ADAM12: variants seen among roughly 807,000 people sequenced by gnomAD.
ADAM12 encodes disintegrin and metalloproteinase domain-containing protein 12.
A neutral mutation model predicts 106.4 loss-of-function variants in ADAM12; 70 were observed. The observed-to-expected ratio is 0.66, with a 90% CI of 0.54 to 0.80. The LOEUF (loss-of-function observed/expected upper bound fraction) is 0.80, where lower values mean the gene tolerates loss of function less well. Among genes scored for constraint, ADAM12 ranks in the 30% least tolerant of loss-of-function variants. The probability of loss-of-function intolerance (pLI) is 0.00; values close to 1 mark genes in which losing one functional copy is unlikely to be tolerated. For missense variants in ADAM12, 1,010 were observed against 1,171.9 expected (o/e 0.86, Z 2.02); for synonymous variants, 420 against 433.5 (o/e 0.97, Z 0.39).
chr10:126,019,410 C>A (rs1479160365), intron 22 of ADAM12, among the ~76,000 whole-genome samples: 1 of 152,194 alleles, frequency 6.6e-6, no homozygotes, highest in South Asian at 2.1e-4. Context: ...TTGTGTCTTA[C>A]AGGCCTGGCT....
chr10:126,388,341 C>CGTGTGTGT lies in ADAM12; in HGVS notation c.-204_-197dup. Reference sequence around the variant, plus strand: ...TTTCATTTTTAAAAAAGTTTCCCCCCGTGTGTGTGCGTGCGTGCGCGCGCG... The same window carrying CGTGTGTGT: ...TTTCATTTTTAAAAAAGTTTCCCCCCGTGTGTGTGTGTGTGTGCGTGCGTGCGCGCGCG... On this transcript the variant is annotated 5_prime_UTR_variant, in exon 1 of 23. Coordinates refer to ENST00000448723, the MANE Select transcript of ADAM12 (RefSeq NM_001288973.2). This position sits in a 1 kb window ranked among gnomAD's most constrained non-coding sequence, Gnocchi z 4.4. 1 of 811,892 alleles carries CGTGTGTGT rather than the reference C, an allele frequency of 1.2e-6. No homozygotes were observed. Among genetic ancestry groups the CGTGTGTGT allele is most frequent in the Non-Finnish European group, 1.6e-6 (1 of 622,786 alleles). The allele number at this position is 811,892 out of a possible 1,614,324, so 50.3% of individuals were successfully genotyped here.
intron 5 of ADAM12, among the ~76,000 whole-genome samples, chr10:126,122,713 A>T (rs2133638428): frequency 6.6e-6 from 1 of 152,300 alleles, no homozygotes; most frequent in East Asian, 1.9e-4. Context: ...GTGAGCCGAG[A>T]TGTGCCACTG....
intron 12 of ADAM12, among the ~76,000 whole-genome samples, chr10:126,071,215 T>C (rs1954982767): frequency 6.6e-6 from 1 of 152,244 alleles, no homozygotes; most frequent in Non-Finnish European, 1.5e-5. Context: ...TTATTGTTTT[T>C]GGCCTCATCT....
chr10:126,105,980 T>C (rs1009585596), intron 8 of ADAM12, among the ~76,000 whole-genome samples: 8 of 152,204 alleles, frequency 5.3e-5, no homozygotes, highest in African/African-American at 1.9e-4. Flanking sequence ...GAAAGTTCCA[T>C]GTAGCCATAG....
At chr10:126,326,174 C>G (rs1352434004) in intron 2 of ADAM12, among the ~76,000 whole-genome samples, 2 of 152,066 alleles carry the variant, frequency 1.3e-5, no homozygotes, top group South Asian at 4.2e-4. Context: ...GGATCTAAGC[C>G]TTGGGTGCTC....
At chr10:126,046,538 C>T (rs11244791) in intron 16 of ADAM12, among the ~76,000 whole-genome samples, 20,103 of 151,864 alleles carry the variant, frequency 0.13, 1,423 homozygotes, top group Middle Eastern at 0.28. Context: ...GGCACGGTTG[C>T]TCACTCCTGT....
chr10:126,383,287 G>A (rs1421664572), intron 1 of ADAM12, among the ~76,000 whole-genome samples: 11 of 151,864 alleles, frequency 7.2e-5, no homozygotes, highest in Non-Finnish European at 1.5e-5. Flanking sequence ...TAGAAGGGTT[G>A]GGAAATGAAA....
chr10:126,172,171 T>C (rs1957131410), intron 3 of ADAM12, among the ~76,000 whole-genome samples: 3 of 152,224 alleles, frequency 2.0e-5, no homozygotes, highest in Non-Finnish European at 2.9e-5. Context: ...TGCACTCCTG[T>C]ACACTCAAAG....
At chr10:126,073,791 G>GT (rs1022615920) in intron 11 of ADAM12, among the ~76,000 whole-genome samples, 1 of 152,244 alleles carries the variant, frequency 6.6e-6, no homozygotes, top group African/African-American at 2.4e-5. Context: ...TCATAGTGCT[G>GT]TAACAATCTT....
intron 2 of ADAM12, among the ~76,000 whole-genome samples, chr10:126,320,194 T>C (rs1413433822): frequency 1.3e-5 from 2 of 152,220 alleles, no homozygotes; most frequent in Non-Finnish European, 2.9e-5. Flanking sequence ...AGGCAGGCGG[T>C]AACAAAAAAT....
chr10:126,372,885 G>A (rs1856157900), intron 1 of ADAM12, among the ~76,000 whole-genome samples: 1 of 152,160 alleles, frequency 6.6e-6, no homozygotes. Context: ...AGAGACTAAA[G>A]TATGTGAGAA....
chr10:126,084,934 G>A (rs1317665041), intron 11 of ADAM12, among the ~76,000 whole-genome samples: 2 of 152,206 alleles, frequency 1.3e-5, no homozygotes, highest in African/African-American at 4.8e-5. Flanking sequence ...GGAGACGATT[G>A]TACCTGTTCT....
chr10:126,136,178 G>T (rs527336067), intron 4 of ADAM12, among the ~76,000 whole-genome samples: 1 of 152,248 alleles, frequency 6.6e-6, no homozygotes, highest in East Asian at 1.9e-4. Flanking sequence ...AGTCTATCTC[G>T]GCAGGAAAGA....
At chr10:126,033,432 A>G (rs1370197478) in intron 21 of ADAM12, among the ~76,000 whole-genome samples, 1 of 152,306 alleles carries the variant, frequency 6.6e-6, no homozygotes, top group East Asian at 1.9e-4. Context: ...GACATAAAGT[A>G]TGCTGGCTAG....
At chr10:126,105,659 T>A (rs895986576) in intron 8 of ADAM12, among the ~76,000 whole-genome samples, 5 of 152,202 alleles carry the variant, frequency 3.3e-5, no homozygotes. Context: ...AAAGTAAACA[T>A]ATAAACAAAT....
intron 3 of ADAM12, among the ~76,000 whole-genome samples, chr10:126,253,741 CTCCCA>C (rs1202032382): frequency 1.3e-5 from 2 of 152,204 alleles, no homozygotes; most frequent in African/African-American, 4.8e-5. Context: ...CCCACTCTTC[CTCCCA>C]GAGGGCTTGT....
intron 3 of ADAM12, among the ~76,000 whole-genome samples, chr10:126,274,443 A>T (rs796286121): frequency 1.2e-3 from 185 of 152,258 alleles, no homozygotes; most frequent in African/African-American, 4.4e-3. Context: ...AGAACTACTA[A>T]CAAATTTCCT....
intron 4 of ADAM12, among the ~76,000 whole-genome samples, chr10:126,143,401 T>C (rs1956559556): frequency 6.7e-6 from 1 of 150,260 alleles, no homozygotes; most frequent in African/African-American, 2.5e-5. Context: ...TGTTTGTATA[T>C]GGTGTGCAGA....
chr10:126,384,987 G>T (rs553208730), intron 1 of ADAM12, among the ~76,000 whole-genome samples: 1 of 152,198 alleles, frequency 6.6e-6, no homozygotes, highest in Non-Finnish European at 1.5e-5. Context: ...GCTATAAGTT[G>T]GGGGTCCACA....
Sources: allele counts gnomAD v4.1 joint callset (sites outside exome capture counted in the v4.1 genomes callset), GRCh38; gene constraint gnomAD v4.1.1; non-coding constraint Gnocchi (gnomAD v3.1); transcripts MANE v1.5; gene names NCBI Gene and HGNC (gene_info 2026-07-23, HGNC 2026-07-21).